CERS1: variants seen among roughly 807,000 people sequenced by gnomAD.
CERS1 encodes the protein ceramide synthase 1.
Under a neutral mutation model 35.7 loss-of-function variants are expected in CERS1, and 16 were observed. The observed-to-expected ratio is 0.45, with a 90% CI of 0.30 to 0.68. The LOEUF (loss-of-function observed/expected upper bound fraction) is 0.68, where lower values mean the gene tolerates loss of function less well. Ranked by LOEUF, CERS1 falls within the 30% of genes least tolerant of loss-of-function variation. The probability of loss-of-function intolerance (pLI) is 0.08; values close to 1 mark genes in which losing one functional copy is unlikely to be tolerated. For missense variants in CERS1, 454 were observed against 453.9 expected, an observed-to-expected ratio of 1.00 and a Z score of 0.00; for synonymous variants, 243 against 201.6, an observed-to-expected ratio of 1.21 and a Z score of -1.74.
intron 6 of CERS1, among the ~76,000 whole-genome samples, chr19:18,871,618 AAGCAGTC>A (rs1312390867): frequency 6.6e-6 from 1 of 152,148 alleles, no homozygotes; most frequent in Non-Finnish European, 1.5e-5. Context: ...TCCTGGGCTC[AAGCAGTC>A]AGCCCTCCTC....
intron 2 of CERS1, among the ~76,000 whole-genome samples, chr19:18,888,417 C>T (rs1009560145): frequency 1.3e-5 from 2 of 149,066 alleles, no homozygotes; most frequent in African/African-American, 5.0e-5. Context: ...ACTCATGAGG[C>T]TGAGGCAGGA....
At position 18,868,750 on chromosome 19, in the gene CERS1, C is replaced by T; in HGVS notation, c.*1235G>A. ...CTCCCGGGGCGGCCGCGTGCATGAGCGCGCGCAGCACAGCGTGGTTGAGCG... is the reference window on the plus strand; with the variant it reads ...CTCCCGGGGCGGCCGCGTGCATGAGTGCGCGCAGCACAGCGTGGTTGAGCG... On this transcript the variant is annotated 3_prime_UTR_variant, in exon 8 of 8. Coordinates refer to ENST00000623882, the MANE Select transcript of CERS1 (RefSeq NM_021267.5). 2.0e-6 allele frequency: 3 copies of T among 1,521,270 alleles called. No individual in the cohort carries two copies. Among genetic ancestry groups the T allele is most frequent in the Non-Finnish European group, 2.7e-6 (3 of 1,129,540 alleles). 94.2% of individuals were successfully genotyped at this position (1,521,270 alleles called of 1,614,324 possible).
intron 1 of CERS1, 73 bp from the exon 2 acceptor site, chr19:18,893,648 T>G: frequency 2.0e-6 from 3 of 1,468,430 alleles, no homozygotes; most frequent in Non-Finnish European, 2.8e-6. Context: ...GTGGGGAAAC[T>G]GAGGCCCAGG....
At position 18,895,829 on chromosome 19, in the gene CERS1, A is replaced by G. The variant is rs977068016; in HGVS notation, c.244T>C (p.Phe82Leu). 2.3e-6 allele frequency: 3 copies of G among 1,281,228 alleles called. No homozygotes were observed. In the Admixed American group the frequency reaches 1.3e-4, roughly 54 times the overall value. 79.4% of individuals were successfully genotyped at this position (1,281,228 alleles called of 1,614,324 possible). Reference protein sequence around the residue: ...ALRSAATARLFRPLAKRCCLQ... With the variant: ...ALRSAATARLLRPLAKRCCLQ... ...CGGCCCCCGGCCACACTGACCCGAA[A>G]GAGGCGCGCAGTGGCCGCGGAGCGC... Residue 82 changes from phenylalanine (F) to leucine (L), a missense_variant, in exon 1 of 8, where the codon TTT becomes CTT. Physicochemically the swap from Phe to Leu is conservative, Grantham distance 22. Coordinates refer to ENST00000623882, the MANE Select transcript of CERS1 (RefSeq NM_021267.5). This position sits in a 1 kb window ranked among gnomAD's most constrained non-coding sequence, Gnocchi z 6.4.
At chr19:18,890,223 C>T (rs986940217) in intron 2 of CERS1, among the ~76,000 whole-genome samples, 2 of 152,234 alleles carry the variant, frequency 1.3e-5, no homozygotes, top group Non-Finnish European at 2.9e-5. Context: ...GGGGCCACCC[C>T]TGTCCCTGCT....
In CERS1 at chr19:18,895,914, C is replaced by T; in HGVS notation, c.159G>A (p.Ala53=). ...GLARRGLAEH[A]HLAPPELLLL... The stretch of plus-strand genomic sequence containing the variant: ...GCAGCAGCTCGGGCGGCGCCAGGTG[C>T]GCGTGCTCAGCCAGGCCGCGACGCG... Residue 53 remains alanine, a synonymous_variant, in exon 1 of 8, where the codon GCG becomes GCA. Transcript: ENST00000623882. The surrounding 1 kb of genome is among the most constrained non-coding windows in gnomAD (Gnocchi z 6.4). 8.0e-7 allele frequency: 1 copy of T among 1,242,294 alleles called. No homozygotes were observed. Among genetic ancestry groups the T allele is most frequent in the Non-Finnish European group, 1.0e-6 (1 of 990,950 alleles). The allele number at this position is 1,242,294 out of a possible 1,614,324, so 77.0% of individuals were successfully genotyped here. A position where few individuals can be genotyped will look rare whatever the true frequency, so the allele number is the denominator to read the frequency against.
intron 2 of CERS1, among the ~76,000 whole-genome samples, chr19:18,889,208 C>T (rs916551995): frequency 2.0e-5 from 3 of 151,948 alleles, no homozygotes; most frequent in African/African-American, 7.3e-5. Flanking sequence ...AGCCCTCTTC[C>T]AGAATTTCAA....
chr19:18,885,479 G>A (rs1177675332), intron 2 of CERS1, among the ~76,000 whole-genome samples: 1 of 148,656 alleles, frequency 6.7e-6, no homozygotes, highest in East Asian at 2.0e-4. Context: ...TTACAGGGAT[G>A]AGCCACCTCA....
Position 18,869,329 on chromosome 19 carries a change from G to A in CERS1, c.*656C>T. On this transcript the variant is annotated 3_prime_UTR_variant, in exon 8 of 8. Coordinates refer to ENST00000623882, the MANE Select transcript of CERS1 (RefSeq NM_021267.5). ...GTTCCACAGCCGACAGGTCGAAGACGACTGTCCACTCAGGGCAATGCCCCG... is the reference window on the plus strand; with the variant it reads ...GTTCCACAGCCGACAGGTCGAAGACAACTGTCCACTCAGGGCAATGCCCCG... The A allele has an allele frequency of 6.5e-7, 1 of 1,528,258 alleles. No individual in the cohort carries two copies. The highest frequency in any genetic ancestry group is 8.7e-7 in the Non-Finnish European group (1 of 1,144,768). The allele number at this position is 1,528,258 out of a possible 1,614,324, so 94.7% of individuals were successfully genotyped here. A position where few individuals can be genotyped will look rare whatever the true frequency, so the allele number is the denominator to read the frequency against.
At chr19:18,875,740 ACC>A (rs2056049711) in intron 6 of CERS1, among the ~76,000 whole-genome samples, 2 of 152,130 alleles carry the variant, frequency 1.3e-5, no homozygotes, top group Non-Finnish European at 2.9e-5. Context: ...AGTGACCCTG[ACC>A]TGCTTCACCA....
chr19:18,895,441 TGGCCGGAGCCATCCACCGCGCGG>T lies in CERS1; in HGVS notation c.249+360_249+382del, dbSNP rs1325833471. Among the ~76,000 whole-genome samples the T allele has an allele frequency of 1.3e-5, 2 of 151,476 alleles. No individual in the cohort carries two copies. Among genetic ancestry groups the T allele is most frequent in the African/African-American group, 4.9e-5 (2 of 41,196 alleles). ...CGGCCCTGCCGGAAAGAGCGCGCGG[TGGCCGGAGCCATCCACCGCGCGG>T]GGCCCCCTGGTCCCAAACTGACCGG... On this transcript the variant is annotated intron_variant, in intron 1 of 7. Coordinates refer to ENST00000623882, the MANE Select transcript of CERS1 (RefSeq NM_021267.5). The surrounding 1 kb of genome is among the most constrained non-coding windows in gnomAD (Gnocchi z 6.4).
chr19:18,868,950 C>A lies in CERS1; in HGVS notation c.*1035G>T, dbSNP rs978187037. ...CCGGGGCCGCCGCCCAACACGGGTT[C>A]GGCGTCGCGCCGCGGCCGGGCCAGG... On this transcript the variant is annotated 3_prime_UTR_variant, in exon 8 of 8. Transcript: ENST00000623882. 8.3e-7 allele frequency: 1 copy of A among 1,200,094 alleles called. No individual in the cohort carries two copies. The allele number at this position is 1,200,094 out of a possible 1,614,324, so 74.3% of individuals were successfully genotyped here.
chr19:18,887,379 G>C (rs2056386766), intron 2 of CERS1, among the ~76,000 whole-genome samples: 1 of 152,182 alleles, frequency 6.6e-6, no homozygotes, highest in Admixed American at 6.5e-5. Flanking sequence ...CTGCTAATGG[G>C]ACGGGGTTTC....
intron 2 of CERS1, among the ~76,000 whole-genome samples, chr19:18,893,068 C>A (rs2056533540): frequency 6.6e-6 from 1 of 151,984 alleles, no homozygotes; most frequent in Non-Finnish European, 1.5e-5. Context: ...AGGCGCCCAC[C>A]ACACCCGGCT....
intron 2 of CERS1, among the ~76,000 whole-genome samples, chr19:18,885,823 C>T: frequency 6.6e-6 from 1 of 152,108 alleles, no homozygotes; most frequent in East Asian, 1.9e-4. Context: ...CCGGCCTCTT[C>T]CTGTCTTTAA....
intron 4 of CERS1, 37 bp from the exon 5 acceptor site, chr19:18,879,425 G>T (rs113874315): frequency 4.5e-6 from 7 of 1,548,490 alleles, no homozygotes; most frequent in African/African-American, 2.7e-5. Flanking sequence ...TGGGTGGAGG[G>T]GGACGGTGCC....
At chr19:18,884,301 G>C in intron 2 of CERS1, 34 bp from the exon 3 acceptor site, 1 of 1,582,300 alleles carries the variant, frequency 6.3e-7, no homozygotes. Flanking sequence ...TCAGGGCCCT[G>C]CGAAGCCTCT....
At chr19:18,869,702 T>A (rs1173467638) in intron 7 of CERS1, among the ~76,000 whole-genome samples, 2 of 104,020 alleles carry the variant, frequency 1.9e-5, no homozygotes, top group African/African-American at 7.5e-5. Context: ...GGATGGCATC[T>A]GCAGGAAGGC....
chr19:18,878,218 T>G lies in CERS1; in HGVS notation c.1010+712A>C. The stretch of plus-strand genomic sequence containing the variant: ...GCCCCGGCTCCTGCTCAAACACTCC[T>G]CACGTTGCCTATGAGACACTGCACA... On this transcript the variant is annotated intron_variant, in intron 6 of 7. Transcript: ENST00000623882. This position sits in a 1 kb window ranked among gnomAD's most constrained non-coding sequence, Gnocchi z 4.6. 1.0e-6 allele frequency: 1 copy of G among 985,466 alleles called. No individual in the cohort carries two copies. The highest frequency in any genetic ancestry group is 1.2e-6 in the Non-Finnish European group (1 of 830,104). The allele number at this position is 985,466 out of a possible 1,614,324, so 61.0% of individuals were successfully genotyped here. A position where few individuals can be genotyped will look rare whatever the true frequency, so the allele number is the denominator to read the frequency against.
Sources: gnomAD v4.1 joint callset for allele counts (sites outside exome capture counted in the v4.1 genomes callset) on GRCh38, gnomAD v4.1.1 for gene constraint, Gnocchi (gnomAD v3.1) non-coding constraint, MANE v1.5 for transcripts, NCBI Gene and HGNC (gene_info 2026-07-23, HGNC 2026-07-21) for gene names.